Variants in LYPD6B observed in about 807,000 individuals in gnomAD.
The protein encoded by LYPD6B is LY6/PLAUR domain containing 6B.
In LYPD6B, 17 loss-of-function variants were observed where a neutral mutation model predicts 22.8. That is an observed-to-expected ratio of 0.75 (90% CI 0.51 to 1.12). The LOEUF is 1.12. LYPD6B is among the 50% of genes most tolerant of loss of function. The pLI, the probability that LYPD6B is intolerant of heterozygous loss-of-function variation, is 0.00. For missense variants in LYPD6B, 221 were observed against 258.3 expected (o/e 0.86, Z 0.99); for synonymous variants, 106 against 91.6 (o/e 1.16, Z -0.90).
intron 1 of LYPD6B, among the ~76,000 whole-genome samples, chr2:149,059,580 T>C (rs1574891153): frequency 6.6e-6 from 1 of 152,264 alleles, no homozygotes; most frequent in Non-Finnish European, 1.5e-5. Flanking sequence ...TCAAATCTCC[T>C]GTCTCCGTAT....
At chr2:149,207,380 G>A (rs1693566363) in intron 4 of LYPD6B, among the ~76,000 whole-genome samples, 1 of 152,094 alleles carries the variant, frequency 6.6e-6, no homozygotes, top group Admixed American at 6.5e-5. Context: ...ATAGAATGAA[G>A]AGAATGAAAC....
chr2:149,109,403 C>G (rs1344292966), intron 1 of LYPD6B, among the ~76,000 whole-genome samples: 1 of 152,128 alleles, frequency 6.6e-6, no homozygotes, highest in African/African-American at 2.4e-5. Flanking sequence ...CTTTGTTCCT[C>G]TGTGCACAAT....
chr2:149,067,637 T>C (rs1033758299), intron 1 of LYPD6B, among the ~76,000 whole-genome samples: 1 of 151,908 alleles, frequency 6.6e-6, no homozygotes, highest in Non-Finnish European at 1.5e-5. Flanking sequence ...AGTCTTTGCT[T>C]TTTTCCTTTG....
chr2:149,132,773 C>A (rs187157353), intron 2 of LYPD6B, among the ~76,000 whole-genome samples: 88 of 152,292 alleles, frequency 5.8e-4, no homozygotes, highest in African/African-American at 2.0e-3. Context: ...GCTTGGCAGG[C>A]AGTTTAGTAG....
intron 1 of LYPD6B, among the ~76,000 whole-genome samples, chr2:149,070,958 G>A (rs1684576722): frequency 1.3e-5 from 2 of 152,162 alleles, no homozygotes; most frequent in Admixed American, 1.3e-4. Flanking sequence ...TGGAATCCTT[G>A]GCACTGAGAT....
At chr2:149,059,819 C>T (rs1317660560) in intron 1 of LYPD6B, among the ~76,000 whole-genome samples, 1 of 152,190 alleles carries the variant, frequency 6.6e-6, no homozygotes, top group Non-Finnish European at 1.5e-5. Context: ...CCTGGGAGAA[C>T]ACTCAGAATA....
At chr2:149,064,341 C>T (rs1046540651) in intron 1 of LYPD6B, among the ~76,000 whole-genome samples, 1 of 152,158 alleles carries the variant, frequency 6.6e-6, no homozygotes, top group Non-Finnish European at 1.5e-5. Flanking sequence ...CAAAGAAGCA[C>T]ATTCAATACC....
chr2:149,191,964 T>G (rs79544323), intron 3 of LYPD6B, among the ~76,000 whole-genome samples: 2 of 152,224 alleles, frequency 1.3e-5, no homozygotes, highest in Admixed American at 1.3e-4. Flanking sequence ...AAATCACCAA[T>G]GCTGGTTCTT....
chr2:149,103,582 A>G (rs7592379), intron 1 of LYPD6B, among the ~76,000 whole-genome samples: 46,428 of 151,766 alleles, frequency 0.31, 8,082 homozygotes, highest in East Asian at 0.84. Flanking sequence ...TATCACCTCA[A>G]TCAAGATAAT....
chr2:149,153,664 A>G (rs1689513694), intron 2 of LYPD6B, among the ~76,000 whole-genome samples: 1 of 151,974 alleles, frequency 6.6e-6, no homozygotes, highest in South Asian at 2.1e-4. Flanking sequence ...AGCTCCAGCT[A>G]CTCGGGAGGC....
chr2:149,064,156 T>C (rs2105331859), intron 1 of LYPD6B, among the ~76,000 whole-genome samples: 1 of 152,344 alleles, frequency 6.6e-6, no homozygotes, highest in African/African-American at 2.4e-5. Context: ...TGACACTAAC[T>C]AGTCTTCTAA....
intron 1 of LYPD6B, among the ~76,000 whole-genome samples, chr2:149,120,387 T>A (rs374181622): frequency 0.15 from 9,373 of 60,544 alleles, 608 homozygotes; most frequent in Non-Finnish European, 0.2. Flanking sequence ...ATATATATTT[T>A]TTTTTTTTTT....
intron 1 of LYPD6B, among the ~76,000 whole-genome samples, chr2:149,104,986 T>C (rs770062642): frequency 6.6e-6 from 1 of 152,206 alleles, no homozygotes; most frequent in Non-Finnish European, 1.5e-5. Flanking sequence ...GTATATATAG[T>C]GTAAAGATCA....
At chr2:149,126,511 A>T (rs1225578817) in intron 1 of LYPD6B, among the ~76,000 whole-genome samples, 1 of 152,200 alleles carries the variant, frequency 6.6e-6, no homozygotes, top group Non-Finnish European at 1.5e-5. Context: ...TTTACCATTG[A>T]TAAAGTGAAA....
chr2:149,136,104 T>C (rs1403318326), intron 2 of LYPD6B, among the ~76,000 whole-genome samples: 1 of 152,220 alleles, frequency 6.6e-6, no homozygotes, highest in African/African-American at 2.4e-5. Flanking sequence ...ATATGTTTAT[T>C]GAATACCTAG....
chr2:149,158,156 G>T (rs1228131663), intron 2 of LYPD6B, among the ~76,000 whole-genome samples: 1 of 152,104 alleles, frequency 6.6e-6, no homozygotes, highest in Non-Finnish European at 1.5e-5. Flanking sequence ...ATAATTAACT[G>T]GTTTCTTGTG....
intron 6 of LYPD6B, 115 bp downstream of exon 6, chr2:149,213,237 A>G (rs532393797): frequency 1.5e-6 from 2 of 1,358,346 alleles, no homozygotes; most frequent in East Asian, 4.7e-5. Flanking sequence ...CATTTTGAGG[A>G]AAGACTCCAT....
At chr2:149,163,591 C>T (rs578061575) in intron 3 of LYPD6B, among the ~76,000 whole-genome samples, 92 of 152,270 alleles carry the variant, frequency 6.0e-4, no homozygotes, top group Non-Finnish European at 1.1e-3. Flanking sequence ...GGGACTTAAG[C>T]CTCCAGATCC....
intron 1 of LYPD6B, among the ~76,000 whole-genome samples, chr2:149,094,804 G>A (rs1685827972): frequency 6.6e-6 from 1 of 152,138 alleles, no homozygotes. Flanking sequence ...TGCTTTGTAT[G>A]CTTGGCATTG....
Sources: gnomAD v4.1 joint callset for allele counts (sites outside exome capture counted in the v4.1 genomes callset) on GRCh38, gnomAD v4.1.1 for gene constraint, MANE v1.5 for transcripts, NCBI Gene and HGNC (gene_info 2026-07-23, HGNC 2026-07-21) for gene names.